SAMD12: variants seen among roughly 807,000 people sequenced by gnomAD.
The protein encoded by SAMD12 is sterile alpha motif domain-containing protein 12.
SAMD12 carries 9 observed loss-of-function variants against 15.0 expected under a neutral mutation model. The ratio of observed to expected loss-of-function variants is 0.60; its 90% confidence interval spans 0.36 to 1.05. The LOEUF is 1.05. Among genes scored for constraint, SAMD12 ranks in the 50% least tolerant of loss-of-function variants. The pLI, the probability that SAMD12 is intolerant of heterozygous loss-of-function variation, is 0.01. For synonymous variants in SAMD12, 86 were observed against 90.1 expected, an observed-to-expected ratio of 0.96 and a Z score of 0.25; for missense variants, 230 against 234.2, an observed-to-expected ratio of 0.98 and a Z score of 0.12.
chr8:118,305,500 T>A (rs1465607364), intron 4 of SAMD12, among the ~76,000 whole-genome samples: 8 of 152,236 alleles, frequency 5.3e-5, no homozygotes, highest in Admixed American at 2.6e-4. Flanking sequence ...ATTGTATGTA[T>A]ATACCACATA....
chr8:118,223,642 G>T (rs1174765642), intron 4 of SAMD12, among the ~76,000 whole-genome samples: 1 of 152,180 alleles, frequency 6.6e-6, no homozygotes, highest in African/African-American at 2.4e-5. Context: ...CTTGCGGGAT[G>T]GAAAAGTTGA....
At chr8:118,250,676 AT>A (rs879754176) in intron 4 of SAMD12, among the ~76,000 whole-genome samples, 17 of 150,694 alleles carry the variant, frequency 1.1e-4, no homozygotes, top group African/African-American at 3.7e-4. Context: ...TTATTTATTT[AT>A]TTTTTTTTAT....
At chr8:118,540,420 A>ACTCC (rs1825957901) in intron 2 of SAMD12, among the ~76,000 whole-genome samples, 1 of 152,078 alleles carries the variant, frequency 6.6e-6, no homozygotes, top group Non-Finnish European at 1.5e-5. Context: ...TCTCCCTTGC[A>ACTCC]CTCCCATATG....
chr8:118,392,235 T>C (rs966427437), intron 3 of SAMD12, among the ~76,000 whole-genome samples: 7 of 152,132 alleles, frequency 4.6e-5, no homozygotes, highest in Non-Finnish European at 7.4e-5. Context: ...GAGACCATCC[T>C]GGCCCACGTG....
chr8:118,381,098 C>T (rs1299774588), intron 3 of SAMD12, among the ~76,000 whole-genome samples: 1 of 152,124 alleles, frequency 6.6e-6, no homozygotes, highest in Non-Finnish European at 1.5e-5. Context: ...ACAAAAAGGC[C>T]ACCAATTGTC....
At chr8:118,373,738 C>T (rs1391156870), downstream of SAMD12, among the ~76,000 whole-genome samples, 1 of 152,214 alleles carries the variant, frequency 6.6e-6, no homozygotes, top group Middle Eastern at 3.4e-3. Flanking sequence ...ATCTACTACT[C>T]ACATCTGCCT....
At chr8:118,184,523 T>G (rs1290101386), downstream of SAMD12, among the ~76,000 whole-genome samples, 1 of 152,104 alleles carries the variant, frequency 6.6e-6, no homozygotes, top group Non-Finnish European at 1.5e-5. Context: ...TGAGACAGAG[T>G]CTCACTCTAT....
chr8:118,546,584 A>G (rs1337371171), intron 2 of SAMD12, among the ~76,000 whole-genome samples: 2 of 152,238 alleles, frequency 1.3e-5, no homozygotes, highest in African/African-American at 4.8e-5. Context: ...ATCTCTGTTA[A>G]TTACAATGAG....
Position 118,243,747 on chromosome 8 carries a change from T to C in SAMD12, c.434-46015A>G, listed in dbSNP as rs553961506. 2.7e-3 allele frequency among the ~76,000 whole-genome samples: 410 copies of C among 152,256 alleles called. 2 individuals carry two copies. The highest frequency in any genetic ancestry group is 5.0e-3 in the Non-Finnish European group (342 of 67,996). On this transcript the variant is annotated intron_variant, in intron 4 of 4. Coordinates refer to the SAMD12 transcript ENST00000409003. The stretch of plus-strand genomic sequence containing the variant: ...CACACATACCCAGAGTGTGAAACTT[T>C]GAAGGATTATGTCCCTGAAAGATGA...
intron 2 of SAMD12, among the ~76,000 whole-genome samples, chr8:118,573,048 T>C (rs988580858): frequency 4.6e-5 from 7 of 152,176 alleles, no homozygotes; most frequent in Non-Finnish European, 8.8e-5. Flanking sequence ...ACCTTCACCA[T>C]GGTTGCAGCC....
At chr8:118,406,226 G>A (rs1224750665) in intron 3 of SAMD12, among the ~76,000 whole-genome samples, 1 of 150,606 alleles carries the variant, frequency 6.6e-6, no homozygotes, top group African/African-American at 2.4e-5. Flanking sequence ...TTTTTTTAAT[G>A]GTAGAAATAT....
intron 2 of SAMD12, among the ~76,000 whole-genome samples, chr8:118,498,332 G>T (rs1299932979): frequency 6.6e-6 from 1 of 152,180 alleles, no homozygotes; most frequent in East Asian, 1.9e-4. Flanking sequence ...AGAAGAATGA[G>T]ATTGTGTTTG....
chr8:118,619,889 G>C (rs1249622051), intron 1 of SAMD12, among the ~76,000 whole-genome samples: 2 of 152,156 alleles, frequency 1.3e-5, no homozygotes, highest in Non-Finnish European at 2.9e-5. Flanking sequence ...GGAAGGGACT[G>C]GTCCAGGCTG....
intron 2 of SAMD12, among the ~76,000 whole-genome samples, chr8:118,493,926 T>G (rs1183905809): frequency 6.6e-6 from 1 of 152,144 alleles, no homozygotes; most frequent in African/African-American, 2.4e-5. Context: ...ACCCTAGCCT[T>G]CAGCTCAAGG....
At chr8:118,394,554 A>G (rs1820451367) in intron 3 of SAMD12, among the ~76,000 whole-genome samples, 1 of 152,230 alleles carries the variant, frequency 6.6e-6, no homozygotes, top group Non-Finnish European at 1.5e-5. Context: ...AGAGAAAACC[A>G]CATTAGAGAA....
chr8:118,418,207 T>C (rs991317236), intron 3 of SAMD12, among the ~76,000 whole-genome samples: 1 of 152,248 alleles, frequency 6.6e-6, no homozygotes, highest in African/African-American at 2.4e-5. Context: ...AGCATTATAC[T>C]ATCGATTACC....
At chr8:118,501,771 C>T (rs953629755) in intron 2 of SAMD12, among the ~76,000 whole-genome samples, 1 of 152,136 alleles carries the variant, frequency 6.6e-6, no homozygotes, top group Non-Finnish European at 1.5e-5. Flanking sequence ...AATCCCAGCA[C>T]TTTGGGAAGC....
intron 3 of SAMD12, among the ~76,000 whole-genome samples, chr8:118,403,560 G>T (rs1820974815): frequency 6.6e-6 from 1 of 152,140 alleles, no homozygotes; most frequent in Non-Finnish European, 1.5e-5. Flanking sequence ...TGAAAATGAG[G>T]ATTAAATTCG....
chr8:118,386,574 C>T lies in SAMD12; in HGVS notation c.323-6874G>A, dbSNP rs534160273. Among the ~76,000 whole-genome samples, 4 of 152,140 alleles carry T rather than the reference C, an allele frequency of 2.6e-5. No homozygotes were observed. In the South Asian group the frequency reaches 8.3e-4, roughly 32 times the overall value. On this transcript the variant is annotated intron_variant, in intron 3 of 3. Transcript: ENST00000314727. Reference sequence around the variant, plus strand: ...TTCAGCCTATCACAGCTGAAAGGAACATTTGAGTTTCTGACTACGGCACAG... The same window carrying T: ...TTCAGCCTATCACAGCTGAAAGGAATATTTGAGTTTCTGACTACGGCACAG...
Sources: gnomAD v4.1 joint callset for allele counts (sites outside exome capture counted in the v4.1 genomes callset) on GRCh38, gnomAD v4.1.1 for gene constraint, MANE v1.5 for transcripts, NCBI Gene and HGNC (gene_info 2026-07-23, HGNC 2026-07-21) for gene names.